The following PTPRN2 variants were observed in gnomAD, a reference collection of about 807,000 sequenced individuals.
The protein encoded by PTPRN2 is protein tyrosine phosphatase receptor type N2, also known as receptor-type tyrosine-protein phosphatase N2.
PTPRN2 carries 74 observed loss-of-function variants against 118.8 expected under a neutral mutation model. That is an observed-to-expected ratio of 0.62 (90% confidence interval 0.52 to 0.76). The LOEUF (loss-of-function observed/expected upper bound fraction) is 0.76. Among genes scored for constraint, PTPRN2 ranks in the 30% least tolerant of loss-of-function variants. The pLI, the probability that PTPRN2 is intolerant of heterozygous loss-of-function variation, is 0.00. For missense variants in PTPRN2, 1,481 were observed against 1,394.4 expected (o/e 1.06, Z -0.99); for synonymous variants, 641 against 608.0 (o/e 1.05, Z -0.80).
intron 11 of PTPRN2, among the ~76,000 whole-genome samples, chr7:157,938,276 A>G (rs1799839795): frequency 6.6e-6 from 1 of 152,240 alleles, no homozygotes; most frequent in South Asian, 2.1e-4. Context: ...ACTGCAGTGG[A>G]GATGCAGGGG....
Position 157,540,735 on chromosome 7 carries a change from G to C in PTPRN2, c.3027C>G (p.Ile1009Met), listed in dbSNP as rs776405864. 7 of 1,567,512 alleles carry C rather than the reference G, an allele frequency of 4.5e-6. No individual in the cohort carries two copies. Among genetic ancestry groups the C allele is most frequent in the Non-Finnish European group, 6.1e-6 (7 of 1,155,906 alleles). Residue 1009 changes from isoleucine to methionine, a missense_variant, in exon 23 of 23, where the codon ATC becomes ATG. By Grantham distance (10) the Ile-to-Met change is conservative. Coordinates refer to ENST00000389418, the MANE Select transcript of PTPRN2 (RefSeq NM_002847.5). ...CCGCTCACTGGGGAAGGGCCTTGAG[G>C]ATGGCGTTCACCTCCTCAGCCACGG... ...LTAVAEEVNAILKALPQ is the reference protein window; with the variant it reads ...LTAVAEEVNAMLKALPQ
intron 3 of PTPRN2, among the ~76,000 whole-genome samples, chr7:158,302,412 G>T (rs968833047): frequency 5.9e-5 from 9 of 152,220 alleles, no homozygotes; most frequent in Non-Finnish European, 1.0e-4. Context: ...CCCAGCTCCG[G>T]CTGCAGAGCA....
At chr7:158,497,697 G>GT (rs1313079609) in intron 1 of PTPRN2, among the ~76,000 whole-genome samples, 1 of 152,242 alleles carries the variant, frequency 6.6e-6, no homozygotes, top group Non-Finnish European at 1.5e-5. Flanking sequence ...TAAGTGGCAT[G>GT]TTCTCTGCGC....
At chr7:157,898,077 C>T (rs1418670164) in intron 12 of PTPRN2, among the ~76,000 whole-genome samples, 3 of 152,210 alleles carry the variant, frequency 2.0e-5, no homozygotes, top group Non-Finnish European at 1.5e-5. Context: ...GCTGGCCGAG[C>T]GCCTCTCTGA....
chr7:157,836,964 C>G (rs890955783), intron 12 of PTPRN2, among the ~76,000 whole-genome samples: 3 of 150,198 alleles, frequency 2.0e-5, no homozygotes, highest in African/African-American at 7.4e-5. Flanking sequence ...CACTCACCAC[C>G]ACCTGTCCAC....
rs1803821875 is a variant in PTPRN2, at chr7:157,629,704, A to G, written c.2197-8195T>C. Among the ~76,000 whole-genome samples, 1 of 152,226 alleles carries G rather than the reference A, an allele frequency of 6.6e-6. No homozygotes were observed. ...TGGAGACTTCTTCCCACTGTAGAAC[A>G]AGGCGTGTTAAAGAAAGCTGGGCTT... On this transcript the variant is annotated intron_variant, in intron 14 of 22. Coordinates refer to ENST00000389418, the MANE Select transcript of PTPRN2 (RefSeq NM_002847.5). The surrounding 1 kb of genome is among the most constrained non-coding windows in gnomAD (Gnocchi z 4.4).
intron 13 of PTPRN2, among the ~76,000 whole-genome samples, chr7:157,658,432 A>G (rs62476855): frequency 0.16 from 24,567 of 152,166 alleles, 2,230 homozygotes; most frequent in East Asian, 0.28. Flanking sequence ...AACTCTCAAC[A>G]TTACACCCCA....
chr7:158,191,148 G>A (rs56283944), intron 5 of PTPRN2, among the ~76,000 whole-genome samples: 48,688 of 152,126 alleles, frequency 0.32, 8,059 homozygotes, highest in African/African-American at 0.38. Flanking sequence ...TCTACCTTTC[G>A]AGGTCTGTGG....
At chr7:158,327,874 C>G (rs752467079) in intron 2 of PTPRN2, among the ~76,000 whole-genome samples, 95 of 152,258 alleles carry the variant, frequency 6.2e-4, no homozygotes, top group Non-Finnish European at 8.2e-4. Context: ...CCCTCGGTCC[C>G]ATGGGGCTTC....
chr7:158,347,978 T>C (rs1807640478), intron 2 of PTPRN2, among the ~76,000 whole-genome samples: 1 of 152,066 alleles, frequency 6.6e-6, no homozygotes, highest in Non-Finnish European at 1.5e-5. Flanking sequence ...TGGCTGTCAA[T>C]CCCTAAACTT....
intron 21 of PTPRN2, among the ~76,000 whole-genome samples, chr7:157,556,624 T>TATGCAC (rs369840352): frequency 1.5e-3 from 223 of 150,158 alleles, no homozygotes; most frequent in African/African-American, 5.3e-3. Context: ...ACATCATACA[T>TATGCAC]ATGCACATGC....
chr7:157,812,676 G>A (rs1034087651), intron 12 of PTPRN2, among the ~76,000 whole-genome samples: 2 of 152,110 alleles, frequency 1.3e-5, no homozygotes, highest in African/African-American at 4.8e-5. Flanking sequence ...TCATCAGCCG[G>A]TGTCACCCTT....
intron 12 of PTPRN2, among the ~76,000 whole-genome samples, chr7:157,754,623 GC>G (rs1801675122): frequency 6.6e-6 from 1 of 152,228 alleles, no homozygotes; most frequent in Non-Finnish European, 1.5e-5. Flanking sequence ...CGAGGCTCCG[GC>G]TGGAAAGGTG....
At chr7:158,059,670 C>G (rs1810155045) in intron 11 of PTPRN2, among the ~76,000 whole-genome samples, 1 of 108,586 alleles carries the variant, frequency 9.2e-6, no homozygotes, top group African/African-American at 3.9e-5. Flanking sequence ...TCACTGCAGC[C>G]ACACTCCATC....
chr7:157,910,239 A>G (rs1798012230), intron 11 of PTPRN2, among the ~76,000 whole-genome samples: 1 of 151,724 alleles, frequency 6.6e-6, no homozygotes, highest in African/African-American at 2.4e-5. Flanking sequence ...CGGGCGCAGG[A>G]TCACGCACGT....
intron 11 of PTPRN2, among the ~76,000 whole-genome samples, chr7:157,970,539 G>A (rs1011556755): frequency 6.6e-6 from 1 of 152,180 alleles, no homozygotes; most frequent in East Asian, 1.9e-4. Flanking sequence ...CATTGGTGCG[G>A]GTGGGTGGCC....
intron 12 of PTPRN2, among the ~76,000 whole-genome samples, chr7:157,849,697 A>G (rs1809129036): frequency 6.6e-6 from 1 of 152,212 alleles, no homozygotes; most frequent in South Asian, 2.1e-4. Flanking sequence ...CGGGAACCAC[A>G]TCAGCCTAGG....
At position 157,903,001 on chromosome 7, in the gene PTPRN2, C is replaced by T. The variant is rs1463428246; in HGVS notation, c.1724-4264G>A. Among the ~76,000 whole-genome samples the T allele has an allele frequency of 6.6e-6, 1 of 152,188 alleles. No individual in the cohort carries two copies. Among genetic ancestry groups the T allele is most frequent in the Non-Finnish European group, 1.5e-5 (1 of 68,036 alleles). On this transcript the variant is annotated intron_variant, in intron 11 of 22. Transcript: ENST00000389418. This position sits in a 1 kb window ranked among gnomAD's most constrained non-coding sequence, Gnocchi z 4.2. ...GCCTGTGTTCTTTCTTCAACAAATA[C>T]ATCCACGTTGCTGCAAAGGACACAA...
chr7:158,207,868 T>TA (rs1411467424), intron 3 of PTPRN2, among the ~76,000 whole-genome samples: 1 of 152,106 alleles, frequency 6.6e-6, no homozygotes, highest in Admixed American at 6.5e-5. Context: ...ATAGTTGTTT[T>TA]AAAAAAATTC....
Sources: gnomAD v4.1 joint callset for allele counts (sites outside exome capture counted in the v4.1 genomes callset) on GRCh38, gnomAD v4.1.1 for gene constraint, Gnocchi (gnomAD v3.1) non-coding constraint, MANE v1.5 for transcripts, NCBI Gene and HGNC (gene_info 2026-07-23, HGNC 2026-07-21) for gene names.